RINT1: variants seen among roughly 807,000 people sequenced by gnomAD.
RINT1 encodes RAD50 interactor 1.
RINT1 carries 75 observed loss-of-function variants against 97.7 expected under a neutral mutation model. The observed-to-expected ratio is 0.77, with a 90% CI of 0.64 to 0.93. The LOEUF (loss-of-function observed/expected upper bound fraction) is 0.93, where lower values mean the gene tolerates loss of function less well. Ranked by LOEUF, RINT1 falls within the 40% of genes least tolerant of loss-of-function variation. The probability of loss-of-function intolerance (pLI) is 0.00; values close to 1 mark genes in which losing one functional copy is unlikely to be tolerated. For synonymous variants in RINT1, 303 were observed against 326.3 expected (o/e 0.93, Z 0.77); for missense variants, 892 against 925.2 (o/e 0.96, Z 0.47).
intron 3 of RINT1, among the ~76,000 whole-genome samples, chr7:105,538,315 GCTACTAAAT>G (rs1790327653): frequency 6.6e-6 from 1 of 152,138 alleles, no homozygotes; most frequent in African/African-American, 2.4e-5. Context: ...TTATCATATA[GCTACTAAAT>G]TAGGTTAAGT....
At chr7:105,563,030 T>C (rs945776813) in intron 11 of RINT1, among the ~76,000 whole-genome samples, 8 of 152,164 alleles carry the variant, frequency 5.3e-5, no homozygotes, top group African/African-American at 1.9e-4. Flanking sequence ...AAATAAAATG[T>C]GGTCTATCTA....
In RINT1 at chr7:105,567,267, A is replaced by T. The variant is rs1296819896; in HGVS notation, c.2335A>T (p.Ile779Phe). The T allele has an allele frequency of 1.4e-5, 23 of 1,609,196 alleles. No individual in the cohort carries two copies. Among genetic ancestry groups the T allele is most frequent in the Non-Finnish European group, 1.9e-5 (22 of 1,178,728 alleles). ...CAAACTGGCTCAACAAGATGTTGAG[A>T]TTCTACTTAATTTGAGGACAAATTG... The part of the protein sequence containing the change: ...IYKLAQQDVE[I>F]LLNLRTNWPN... The change falls in exon 15 of 15, where the codon ATT becomes TTT. Residue 779 changes from isoleucine to phenylalanine, a missense_variant. Physicochemically the swap from Ile to Phe is conservative, Grantham distance 21. Transcript: ENST00000257700.
Position 105,548,573 on chromosome 7 carries a change from C to T in RINT1, c.859C>T (p.Pro287Ser). 1 of 1,614,086 alleles carries T rather than the reference C, an allele frequency of 6.2e-7. No individual in the cohort carries two copies. The highest frequency in any genetic ancestry group is 8.5e-7 in the Non-Finnish European group (1 of 1,180,006). ...LQTSDELLTEPKQLPEKYSLP... is the reference protein window; with the variant it reads ...LQTSDELLTESKQLPEKYSLP... ...TGTCAGAGATGAATTACTTACTGAG[C>T]CAAAGCAACTCCCAGAAAAATACTC... The change falls in exon 7 of 15, where the codon CCA (proline) becomes TCA (serine). Residue 287 changes from proline (P) to serine (S), a missense_variant. Transcript: ENST00000257700.
At chr7:105,550,560 C>T in intron 9 of RINT1, 74 bp downstream of exon 9, 2 of 1,127,280 alleles carry the variant, frequency 1.8e-6, no homozygotes, top group East Asian at 2.4e-5. Context: ...TATTTTTCTT[C>T]TCCAGTTCTA....
chr7:105,560,312 A>G (rs76480537), intron 11 of RINT1, among the ~76,000 whole-genome samples: 8,353 of 152,240 alleles, frequency 0.055, 784 homozygotes, highest in African/African-American at 0.19. Flanking sequence ...CTGGCACCAA[A>G]GGATAGGGCT....
chr7:105,540,918 A>C (rs185062787), intron 3 of RINT1, among the ~76,000 whole-genome samples: 1 of 144,022 alleles, frequency 6.9e-6, no homozygotes, highest in South Asian at 2.2e-4. Context: ...GCCCACTGCA[A>C]CCTCTGCCTC....
At chr7:105,540,758 G>T (rs1421231465) in intron 3 of RINT1, among the ~76,000 whole-genome samples, 1 of 151,584 alleles carries the variant, frequency 6.6e-6, no homozygotes, top group Non-Finnish European at 1.5e-5. Flanking sequence ...GTGCTTCTTA[G>T]CCTGGCCTTA....
Position 105,567,534 on chromosome 7 carries a change from C to A in RINT1, c.*223C>A. 1.5e-6 allele frequency: 1 copy of A among 683,212 alleles called. No individual in the cohort carries two copies. 42.3% of individuals were successfully genotyped at this position (683,212 alleles called of 1,614,324 possible). A position where few individuals can be genotyped will look rare whatever the true frequency, so the allele number is the denominator to read the frequency against. On this transcript the variant is annotated 3_prime_UTR_variant, in exon 15 of 15. Transcript: ENST00000257700. The stretch of plus-strand genomic sequence containing the variant: ...AAAACGAAACAATGAAAACTCAATT[C>A]TATTTACAAGTATAAATGCTGAGTA...
At chr7:105,544,937 A>G (rs17149454) in intron 4 of RINT1, among the ~76,000 whole-genome samples, 7,193 of 151,720 alleles carry the variant, frequency 0.047, 462 homozygotes, top group African/African-American at 0.15. Context: ...CTTCATCTCT[A>G]AATTTTTTTA....
At chr7:105,535,104 A>G (rs1790172035) in intron 2 of RINT1, among the ~76,000 whole-genome samples, 1 of 151,818 alleles carries the variant, frequency 6.6e-6, no homozygotes, top group African/African-American at 2.4e-5. Context: ...ACTTTATACT[A>G]TTTAGTGGTT....
At chr7:105,553,202 T>A (rs1056211930) in intron 10 of RINT1, among the ~76,000 whole-genome samples, 1 of 151,628 alleles carries the variant, frequency 6.6e-6, no homozygotes, top group Non-Finnish European at 1.5e-5. Flanking sequence ...TCAAAGAAAA[T>A]TTCAGACATC....
intron 4 of RINT1, among the ~76,000 whole-genome samples, chr7:105,546,399 G>C (rs959586599): frequency 6.6e-6 from 1 of 152,166 alleles, no homozygotes; most frequent in African/African-American, 2.4e-5. Flanking sequence ...GAAGAATGCA[G>C]AAGTAGAGGA....
At chr7:105,533,181 T>C (rs1014026047) in intron 2 of RINT1, among the ~76,000 whole-genome samples, 2 of 152,134 alleles carry the variant, frequency 1.3e-5, no homozygotes, top group Non-Finnish European at 1.5e-5. Context: ...TAATGAAACA[T>C]CAACTTACTA....
At chr7:105,557,174 T>A (rs1402368655) in intron 11 of RINT1, among the ~76,000 whole-genome samples, 1 of 152,042 alleles carries the variant, frequency 6.6e-6, no homozygotes, top group Non-Finnish European at 1.5e-5. Context: ...CTATGAAAAT[T>A]TTAATATGAA....
At position 105,546,798 on chromosome 7, in the gene RINT1, C is replaced by T. The variant is rs1413197272; in HGVS notation, c.516-112C>T. ...GGCTGAGGCGGGAGAATCACTTGAA[C>T]CTGGGACACAGAATTTGCATTGAGC... On this transcript the variant is annotated intron_variant, in intron 4 of 14. Coordinates refer to ENST00000257700, the MANE Select transcript of RINT1 (RefSeq NM_021930.6). The T allele has an allele frequency of 4.3e-6, 3 of 700,266 alleles. No homozygotes were observed. In the Admixed American group the frequency reaches 9.2e-5, roughly 21 times the overall value. The allele number at this position is 700,266 out of a possible 1,614,324, so 43.4% of individuals were successfully genotyped here. A position where few individuals can be genotyped will look rare whatever the true frequency, so the allele number is the denominator to read the frequency against.
At chr7:105,551,506 A>T in intron 9 of RINT1, 64 bp from the exon 10 acceptor site, 2 of 1,377,060 alleles carry the variant, frequency 1.5e-6, no homozygotes, top group Non-Finnish European at 2.0e-6. Context: ...AAAAAATTAC[A>T]AGTTGAATAA....
At chr7:105,544,087 C>T (rs868312829) in intron 4 of RINT1, among the ~76,000 whole-genome samples, 4 of 150,476 alleles carry the variant, frequency 2.7e-5, no homozygotes, top group East Asian at 1.9e-4. Flanking sequence ...GCAGCAAGAG[C>T]GAAACTCCGT....
chr7:105,532,353 C>G lies in RINT1; in HGVS notation c.38C>G (p.Ala13Gly). 6.2e-7 allele frequency: 1 copy of G among 1,601,264 alleles called. No homozygotes were observed. Among genetic ancestry groups the G allele is most frequent in the Non-Finnish European group, 8.5e-7 (1 of 1,175,484 alleles). ...PAGEIGASPA[A>G]PCCSESGDER... is the part of the protein sequence containing the mutation. ...GGCGAGATCGGCGCCTCTCCTGCAG[C>G]CCCGGTGAGACGGCCCTGGCGTCCC... is the stretch of plus-strand genomic sequence containing the variant. The change falls in exon 1 of 15, where the codon GCC (alanine) becomes GGC (glycine). Residue 13 changes from alanine (A) to glycine (G), a missense_variant. Physicochemically the swap from Ala to Gly is moderately conservative, Grantham distance 60. Coordinates refer to ENST00000257700, the MANE Select transcript of RINT1 (RefSeq NM_021930.6).
chr7:105,559,540 CAAAAAAAAAAAAAA>C (rs60718751), intron 11 of RINT1, among the ~76,000 whole-genome samples: 9 of 59,022 alleles, frequency 1.5e-4, no homozygotes, highest in Non-Finnish European at 2.6e-4. Flanking sequence ...GACTCTGTCT[CAAAAAAAAAAAAAA>C]AAAAAAAAAA....
Sources: gnomAD v4.1 joint callset for allele counts (sites outside exome capture counted in the v4.1 genomes callset) on GRCh38, gnomAD v4.1.1 for gene constraint, MANE v1.5 for transcripts, NCBI Gene and HGNC (gene_info 2026-07-23, HGNC 2026-07-21) for gene names.